PRKN: variants seen among roughly 807,000 people sequenced by gnomAD.
The protein encoded by PRKN is E3 ubiquitin-protein ligase parkin.
A neutral mutation model predicts 59.5 loss-of-function variants in PRKN; 56 were observed. The ratio of observed to expected loss-of-function variants is 0.94; its 90% CI spans 0.76 to 1.18. The LOEUF (loss-of-function observed/expected upper bound fraction) is 1.18, where lower values mean the gene tolerates loss of function less well. PRKN is among the 50% of genes most tolerant of loss of function. The probability of loss-of-function intolerance (pLI) is 0.00; values close to 1 mark genes in which losing one functional copy is unlikely to be tolerated. For synonymous variants in PRKN, 250 were observed against 222.1 expected (o/e 1.13, Z -1.12); for missense variants, 657 against 596.4 (o/e 1.10, Z -1.06).
intron 6 of PRKN, among the ~76,000 whole-genome samples, chr6:161,833,198 T>C (rs75274688): frequency 0.035 from 5,328 of 151,972 alleles, 305 homozygotes; most frequent in African/African-American, 0.12. Flanking sequence ...GCACAGAAAA[T>C]GTCTTATAAA....
At chr6:161,770,987 C>A (rs530160362) in intron 7 of PRKN, among the ~76,000 whole-genome samples, 15 of 152,228 alleles carry the variant, frequency 9.9e-5, no homozygotes, top group East Asian at 3.9e-4. Flanking sequence ...GCCTCCAGAA[C>A]TGTGGGAAAA....
At chr6:162,350,285 T>C (rs771722907) in intron 2 of PRKN, among the ~76,000 whole-genome samples, 2 of 152,190 alleles carry the variant, frequency 1.3e-5, no homozygotes, top group Non-Finnish European at 2.9e-5. Context: ...CAAATTCATC[T>C]ATAGATTCAT....
At position 161,546,856 on chromosome 6, in the gene PRKN, C is replaced by G. The variant is rs776317902; in HGVS notation, c.1083+1998G>C. On this transcript the variant is annotated intron_variant, in intron 9 of 11. Coordinates refer to ENST00000366898, the MANE Select transcript of PRKN (RefSeq NM_004562.3). The surrounding 1 kb of genome is among the most constrained non-coding windows in gnomAD (Gnocchi z 4.4). ...AGCTGCCATCATGGGGACAAACAGC[C>G]TAAGACAAGGGCCATGTGGTGAGGA... is the stretch of plus-strand genomic sequence containing the variant. Among the ~76,000 whole-genome samples, 2 of 152,062 alleles carry G rather than the reference C, an allele frequency of 1.3e-5. No individual in the cohort carries two copies. Among genetic ancestry groups the G allele is most frequent in the Non-Finnish European group, 2.9e-5 (2 of 68,018 alleles).
intron 10 of PRKN, among the ~76,000 whole-genome samples, chr6:161,375,158 T>TCCTGGGGGTGGAGGGAACCC (rs1314983830): frequency 2.3e-4 from 35 of 152,180 alleles, no homozygotes; most frequent in African/African-American, 7.7e-4. Flanking sequence ...AAGGCAGAAC[T>TCCTGGGGGTGGAGGGAACCC]CCTGGGGGTG....
chr6:162,438,092 T>G (rs891230004), intron 2 of PRKN, among the ~76,000 whole-genome samples: 4 of 152,168 alleles, frequency 2.6e-5, no homozygotes, highest in Admixed American at 2.6e-4. Context: ...GCATTTGGTG[T>G]TGTCTTTATT....
chr6:162,493,363 T>C (rs1792908029), intron 1 of PRKN, among the ~76,000 whole-genome samples: 1 of 152,166 alleles, frequency 6.6e-6, no homozygotes, highest in Non-Finnish European at 1.5e-5. Flanking sequence ...TATTATGGAC[T>C]TGAAAGAACT....
rs761430731 is a variant in PRKN, at chr6:162,054,144, G to A, written c.565C>T (p.Pro189Ser). The A allele has an allele frequency of 7.4e-6, 12 of 1,613,354 alleles. No individual in the cohort carries two copies. The highest frequency in any genetic ancestry group is 1.0e-5 in the Non-Finnish European group (12 of 1,179,376). ...GPSCWDDVLIPNRMSGECQSP... is the reference protein window; with the variant it reads ...GPSCWDDVLISNRMSGECQSP... ...TGGCATTCACCACTCATCCGGTTTG[G>A]AATTAAAACATCATCCCAGCAAGAT... The change falls in exon 5 of 12, where the codon CCA becomes TCA. Residue 189 changes from proline to serine, a missense_variant. Pro to Ser is a moderately conservative substitution (Grantham distance 74, BLOSUM62 -1). Coordinates refer to ENST00000366898, the MANE Select transcript of PRKN (RefSeq NM_004562.3).
chr6:162,202,204 T>A (rs6928213), intron 3 of PRKN, among the ~76,000 whole-genome samples: 6,497 of 151,640 alleles, frequency 0.043, 427 homozygotes, highest in African/African-American at 0.14. Context: ...GATAATATAT[T>A]TTTTTTTAAC....
chr6:161,776,922 T>C (rs1277641187), intron 7 of PRKN, among the ~76,000 whole-genome samples: 1 of 152,188 alleles, frequency 6.6e-6, no homozygotes, highest in Non-Finnish European at 1.5e-5. Context: ...AAATATGAAA[T>C]AGTGCTAATA....
chr6:162,358,119 C>T (rs10945816), intron 2 of PRKN, among the ~76,000 whole-genome samples: 50,552 of 151,960 alleles, frequency 0.33, 8,835 homozygotes, highest in East Asian at 0.64. Context: ...ATGTAACACA[C>T]AAATGCAAGA....
chr6:162,020,779 A>AGGGT (rs1783117034), intron 5 of PRKN, among the ~76,000 whole-genome samples: 1 of 152,074 alleles, frequency 6.6e-6, no homozygotes, highest in Non-Finnish European at 1.5e-5. Context: ...TGCCATGACA[A>AGGGT]ACAAGAATAG....
At chr6:161,768,144 G>A (rs1159248353) in intron 7 of PRKN, among the ~76,000 whole-genome samples, 1 of 151,682 alleles carries the variant, frequency 6.6e-6, no homozygotes, top group African/African-American at 2.4e-5. Flanking sequence ...TATTTGAAAT[G>A]ACTAAACACG....
intron 5 of PRKN, among the ~76,000 whole-genome samples, chr6:162,043,285 T>C (rs977808673): frequency 3.9e-5 from 6 of 152,178 alleles, no homozygotes; most frequent in Non-Finnish European, 7.3e-5. Context: ...ACCATATCAA[T>C]AACCCTGAGG....
At chr6:162,275,310 A>G (rs1780585153) in intron 2 of PRKN, 1 of 151,418 alleles carries the variant, frequency 6.6e-6, no homozygotes, top group Non-Finnish European at 1.5e-5. Flanking sequence ...TTCTTCTCAA[A>G]CTATTAGATA....
intron 7 of PRKN, among the ~76,000 whole-genome samples, chr6:161,670,016 A>G (rs1301105308): frequency 6.6e-6 from 1 of 152,252 alleles, no homozygotes; most frequent in Non-Finnish European, 1.5e-5. Context: ...ATCCAGTGAC[A>G]TAGGAATGTG....
In PRKN at chr6:161,447,554, A is replaced by C. The variant is rs571358763; in HGVS notation, c.1084-60677T>G. 1.3e-5 allele frequency among the ~76,000 whole-genome samples: 2 copies of C among 152,014 alleles called. No homozygotes were observed. The highest frequency in any genetic ancestry group is 4.2e-4 in the South Asian group (2 of 4,816). ...TGTCGCCCAGGCTGGAGTGCAGTGG[A>C]GTGATCTCAGCTCACTGCAACCTCC... is the stretch of plus-strand genomic sequence containing the variant. On this transcript the variant is annotated intron_variant, in intron 9 of 11. Transcript: ENST00000366898. The surrounding 1 kb of genome is among the most constrained non-coding windows in gnomAD (Gnocchi z 4.1).
At chr6:162,389,191 C>T (rs1291057080) in intron 2 of PRKN, among the ~76,000 whole-genome samples, 1 of 151,848 alleles carries the variant, frequency 6.6e-6, no homozygotes, top group Non-Finnish European at 1.5e-5. Flanking sequence ...GGGTGGTGTG[C>T]GCAGGGCTGG....
intron 6 of PRKN, among the ~76,000 whole-genome samples, chr6:161,803,174 A>G (rs1038776087): frequency 8.5e-5 from 13 of 152,054 alleles, no homozygotes; most frequent in African/African-American, 2.9e-4. Context: ...CTTTTCCACA[A>G]TTGCCTCTGC....
At chr6:162,522,619 A>G (rs1778121655) in intron 1 of PRKN, among the ~76,000 whole-genome samples, 1 of 152,178 alleles carries the variant, frequency 6.6e-6, no homozygotes, top group African/African-American at 2.4e-5. Context: ...GTCAGCACAA[A>G]CCATGATGGG....
Sources: gnomAD v4.1 joint callset for allele counts (sites outside exome capture counted in the v4.1 genomes callset) on GRCh38, gnomAD v4.1.1 for gene constraint, Gnocchi (gnomAD v3.1) non-coding constraint, MANE v1.5 for transcripts, NCBI Gene and HGNC (gene_info 2026-07-23, HGNC 2026-07-21) for gene names.